Variants in LUZP2 observed in about 807,000 individuals in gnomAD.
The protein encoded by LUZP2 is leucine zipper protein 2.
Under a neutral mutation model 51.6 loss-of-function variants are expected in LUZP2, and 52 were observed. The ratio of observed to expected loss-of-function variants is 1.01; its 90% confidence interval spans 0.81 to 1.27. The LOEUF (loss-of-function observed/expected upper bound fraction) is 1.27, where lower values mean the gene tolerates loss of function less well. Among genes scored for constraint, LUZP2 ranks in the 50% most tolerant of loss-of-function variants. The pLI, the probability that LUZP2 is intolerant of heterozygous loss-of-function variation, is 0.00. For missense variants in LUZP2, 436 were observed against 395.4 expected, an observed-to-expected ratio of 1.10 and a Z score of -0.87; for synonymous variants, 154 against 137.3, an observed-to-expected ratio of 1.12 and a Z score of -0.85.
intron 9 of LUZP2, among the ~76,000 whole-genome samples, chr11:25,048,379 A>G (rs775983299): frequency 6.6e-6 from 1 of 152,158 alleles, no homozygotes; most frequent in Non-Finnish European, 1.5e-5. Flanking sequence ...GGAATTGACC[A>G]TGATTCTTTT....
At chr11:24,644,865 A>G (rs933864383) in intron 1 of LUZP2, among the ~76,000 whole-genome samples, 8 of 152,210 alleles carry the variant, frequency 5.3e-5, no homozygotes. Flanking sequence ...AAAGAGAACC[A>G]CAAAAGTGAA....
intron 1 of LUZP2, among the ~76,000 whole-genome samples, chr11:24,562,581 C>T (rs1046399298): frequency 2.6e-5 from 4 of 151,490 alleles, no homozygotes; most frequent in South Asian, 2.1e-4. Context: ...AGGCCGGGCG[C>T]GGTGGCTCAT....
chr11:24,650,797 G>GT (rs1280820048), intron 1 of LUZP2, among the ~76,000 whole-genome samples: 7 of 152,052 alleles, frequency 4.6e-5, no homozygotes, highest in Non-Finnish European at 8.8e-5. Flanking sequence ...GTGAGAGCTT[G>GT]TTTCTTTGTA....
intron 7 of LUZP2, among the ~76,000 whole-genome samples, chr11:24,920,233 A>T (rs993647342): frequency 6.6e-6 from 1 of 152,018 alleles, no homozygotes; most frequent in Non-Finnish European, 1.5e-5. Context: ...TTTATTGAAT[A>T]AAAACAATTT....
chr11:24,857,976 T>C (rs968480303), intron 5 of LUZP2, among the ~76,000 whole-genome samples: 6 of 152,166 alleles, frequency 3.9e-5, no homozygotes, highest in African/African-American at 1.4e-4. Flanking sequence ...TATAATTATA[T>C]GCACATTCTT....
intron 5 of LUZP2, among the ~76,000 whole-genome samples, chr11:24,769,786 C>CTCTTTTTTTTTTTTTTTTTTTT: frequency 6.8e-6 from 1 of 146,958 alleles, no homozygotes; most frequent in Non-Finnish European, 1.5e-5. Context: ...ACTAAATTCT[C>CTCTTTTTTTTTTTTTTTTTTTT]TTTTTTGTTT....
chr11:24,792,617 C>T (rs1402268076), intron 5 of LUZP2, among the ~76,000 whole-genome samples: 1 of 152,006 alleles, frequency 6.6e-6, no homozygotes, highest in Non-Finnish European at 1.5e-5. Flanking sequence ...CATTGAAGTT[C>T]GTATGCCTAA....
At chr11:24,970,250 T>C (rs1215417927) in intron 7 of LUZP2, among the ~76,000 whole-genome samples, 4 of 152,156 alleles carry the variant, frequency 2.6e-5, no homozygotes, top group Non-Finnish European at 5.9e-5. Context: ...GTGCTTTTTT[T>C]CTGCTGTTGC....
chr11:25,051,878 T>C (rs1030312009), intron 10 of LUZP2, among the ~76,000 whole-genome samples: 2 of 152,212 alleles, frequency 1.3e-5, no homozygotes, highest in African/African-American at 4.8e-5. Flanking sequence ...TGGTCTACTT[T>C]TCTTATTGAA....
intron 4 of LUZP2, among the ~76,000 whole-genome samples, chr11:24,748,885 G>C (rs1859477235): frequency 6.6e-6 from 1 of 152,008 alleles, no homozygotes; most frequent in Non-Finnish European, 1.5e-5. Context: ...AAATGAGAGA[G>C]GAAAAGAAGA....
chr11:24,806,109 A>C (rs1418032046), intron 5 of LUZP2, among the ~76,000 whole-genome samples: 2 of 152,208 alleles, frequency 1.3e-5, no homozygotes, highest in Non-Finnish European at 2.9e-5. Flanking sequence ...TTAGTCTATA[A>C]AAAGTATTTC....
chr11:24,722,174 A>G (rs1479442530), intron 1 of LUZP2, among the ~76,000 whole-genome samples: 2 of 152,240 alleles, frequency 1.3e-5, no homozygotes, highest in Non-Finnish European at 2.9e-5. Flanking sequence ...GCCAGCTTAC[A>G]TTTCTTAAAC....
chr11:25,049,620 TTTTC>T (rs1365826737), intron 9 of LUZP2, among the ~76,000 whole-genome samples: 3 of 152,248 alleles, frequency 2.0e-5, no homozygotes, highest in Admixed American at 6.5e-5. Context: ...TTACGAATCA[TTTTC>T]TTTCTATCGA....
intron 5 of LUZP2, among the ~76,000 whole-genome samples, chr11:24,845,180 T>C (rs1441769966): frequency 6.6e-6 from 1 of 151,992 alleles, no homozygotes; most frequent in Non-Finnish European, 1.5e-5. Context: ...GAAGCAGAGG[T>C]GTGGAGCTGC....
intron 9 of LUZP2, among the ~76,000 whole-genome samples, chr11:25,001,364 T>A (rs1174165053): frequency 6.6e-6 from 1 of 152,184 alleles, no homozygotes; most frequent in Non-Finnish European, 1.5e-5. Flanking sequence ...CTATTACGTC[T>A]TTTTTCCTTA....
intron 5 of LUZP2, among the ~76,000 whole-genome samples, chr11:24,885,661 T>C (rs994285284): frequency 9.2e-5 from 14 of 152,250 alleles, no homozygotes; most frequent in Admixed American, 2.6e-4. Flanking sequence ...TCAGGAAAAG[T>C]CATCATCTCA....
intron 1 of LUZP2, among the ~76,000 whole-genome samples, chr11:24,601,970 G>GTATATATA (rs1853671833): frequency 2.5e-5 from 3 of 119,788 alleles, no homozygotes; most frequent in African/African-American, 1.1e-4. Context: ...ATGTATATAT[G>GTATATATA]TGTATATGTA....
At chr11:24,889,231 C>G (rs1852770601) in intron 5 of LUZP2, among the ~76,000 whole-genome samples, 1 of 152,094 alleles carries the variant, frequency 6.6e-6, no homozygotes, top group African/African-American at 2.4e-5. Flanking sequence ...AGTGACAAAA[C>G]TATGTGATTA....
chr11:24,534,406 G>T (rs549727269), intron 1 of LUZP2, among the ~76,000 whole-genome samples: 1 of 150,678 alleles, frequency 6.6e-6, no homozygotes. Flanking sequence ...CATATAGAAA[G>T]ATTTCTACAT....
Sources: allele counts gnomAD v4.1 joint callset (sites outside exome capture counted in the v4.1 genomes callset), GRCh38; gene constraint gnomAD v4.1.1; transcripts MANE v1.5; gene names NCBI Gene and HGNC (gene_info 2026-07-23, HGNC 2026-07-21).